The following FRMD4A variants were observed in gnomAD, a reference collection of about 807,000 sequenced individuals.
The protein encoded by FRMD4A is FERM domain-containing protein 4A.
A neutral mutation model predicts 129.1 loss-of-function variants in FRMD4A; 29 were observed. The observed-to-expected ratio is 0.22, with a 90% CI of 0.17 to 0.31. FRMD4A has a LOEUF of 0.31. FRMD4A is among the 10% of genes least tolerant of loss of function. The probability of loss-of-function intolerance (pLI) is 1.00; values close to 1 mark genes in which losing one functional copy is unlikely to be tolerated. For missense variants in FRMD4A, 1,272 were observed against 1,375.8 expected (o/e 0.92, Z 1.19); for synonymous variants, 634 against 571.6 (o/e 1.11, Z -1.56).
chr10:14,155,674 C>T (rs1840560860), intron 2 of FRMD4A, among the ~76,000 whole-genome samples: 2 of 152,012 alleles, frequency 1.3e-5, no homozygotes, highest in Admixed American at 1.3e-4. Flanking sequence ...GGAGAGGGCT[C>T]TGAGATATTG....
Position 13,660,490 on chromosome 10 carries a change from C to T in FRMD4A, c.1724G>A (p.Arg575Gln), listed in dbSNP as rs1307114187. The T allele has an allele frequency of 7.4e-6, 12 of 1,613,864 alleles. No individual in the cohort carries two copies. The highest frequency in any genetic ancestry group is 1.7e-5 in the Admixed American group (1 of 59,994). The change falls in exon 20 of 25, where the codon CGG becomes CAG. Residue 575 changes from arginine to glutamine, a missense_variant. Coordinates refer to ENST00000357447, the MANE Select transcript of FRMD4A (RefSeq NM_018027.5). ...AGGAGGCCTGTTGTGCGACGGTGGC[C>T]GAGGAGGGAGTCCCTTGTGAGGAGA... ...LHSPHKGLPP[R>Q]PPSHNRPPPP...
chr10:14,002,886 A>C (rs1054650909), intron 2 of FRMD4A, among the ~76,000 whole-genome samples: 4 of 152,198 alleles, frequency 2.6e-5, no homozygotes, highest in African/African-American at 4.8e-5. Flanking sequence ...TTCCTGGGGC[A>C]AGAGCAAGCT....
chr10:13,680,939 G>A (rs2084522969), intron 15 of FRMD4A, among the ~76,000 whole-genome samples: 1 of 152,044 alleles, frequency 6.6e-6, no homozygotes, highest in South Asian at 2.1e-4. Context: ...TGACTGGAGG[G>A]AAAGACACTG....
intron 6 of FRMD4A, among the ~76,000 whole-genome samples, chr10:13,763,163 C>T (rs2092145353): frequency 6.6e-6 from 1 of 152,202 alleles, no homozygotes; most frequent in Admixed American, 6.5e-5. Flanking sequence ...ACCCGACTAT[C>T]TCAAGGGCCT....
At chr10:13,743,612 C>A (rs141363139) in intron 9 of FRMD4A, among the ~76,000 whole-genome samples, 149 of 152,268 alleles carry the variant, frequency 9.8e-4, no homozygotes, top group Middle Eastern at 3.4e-3. Flanking sequence ...CACGACATGT[C>A]CTGACCACAG....
intron 2 of FRMD4A, among the ~76,000 whole-genome samples, chr10:13,900,789 C>A (rs1344902497): frequency 6.6e-6 from 1 of 152,038 alleles, no homozygotes; most frequent in Non-Finnish European, 1.5e-5. Context: ...CCCAGCTACT[C>A]AGGAGGCTGA....
At chr10:13,803,410 C>T (rs764919130) in intron 4 of FRMD4A, among the ~76,000 whole-genome samples, 2 of 152,198 alleles carry the variant, frequency 1.3e-5, no homozygotes, top group Non-Finnish European at 2.9e-5. Flanking sequence ...TAGCTCGCTG[C>T]AGCCTTGAAC....
intron 12 of FRMD4A, among the ~76,000 whole-genome samples, chr10:13,728,575 T>G (rs1480232422): frequency 1.4e-5 from 1 of 69,616 alleles, no homozygotes; most frequent in Non-Finnish European, 2.9e-5. Context: ...TTACCATTCT[T>G]TTTTTTTTTT....
chr10:13,887,482 C>T, intron 2 of FRMD4A, among the ~76,000 whole-genome samples: 1 of 152,054 alleles, frequency 6.6e-6, no homozygotes, highest in African/African-American at 2.4e-5. Context: ...AGATCGAGAC[C>T]ATACTGGCCA....
At chr10:14,221,529 C>G (rs923100562) in intron 2 of FRMD4A, among the ~76,000 whole-genome samples, 4 of 152,108 alleles carry the variant, frequency 2.6e-5, no homozygotes, top group African/African-American at 9.7e-5. Flanking sequence ...TGCTTTAGCC[C>G]TAACATCATT....
At chr10:14,068,959 G>T (rs1198747133) in intron 2 of FRMD4A, among the ~76,000 whole-genome samples, 1 of 133,618 alleles carries the variant, frequency 7.5e-6, no homozygotes, top group East Asian at 2.5e-4. Context: ...CGAATGTTTT[G>T]TGGGTATATT....
At chr10:14,066,543 G>A (rs1835069263) in intron 2 of FRMD4A, among the ~76,000 whole-genome samples, 1 of 152,148 alleles carries the variant, frequency 6.6e-6, no homozygotes, top group Non-Finnish European at 1.5e-5. Flanking sequence ...CGCTGGAAGT[G>A]GGATGAGAAC....
chr10:14,045,053 C>A (rs141902009), intron 2 of FRMD4A, among the ~76,000 whole-genome samples: 126 of 152,244 alleles, frequency 8.3e-4, no homozygotes, highest in Non-Finnish European at 1.7e-3. Context: ...CAGGCACCCA[C>A]CACCGTGCCC....
intron 3 of FRMD4A, among the ~76,000 whole-genome samples, chr10:13,851,366 T>C (rs939563623): frequency 6.6e-6 from 1 of 152,234 alleles, no homozygotes; most frequent in African/African-American, 2.4e-5. Context: ...CTATCTTCTA[T>C]AGCAGGAATC....
intron 3 of FRMD4A, among the ~76,000 whole-genome samples, chr10:13,814,913 G>A (rs971848906): frequency 6.6e-6 from 1 of 152,066 alleles, no homozygotes; most frequent in African/African-American, 2.4e-5. Flanking sequence ...GGAAGCAAAC[G>A]TGATCTTAGC....
rs376696301 is a variant in FRMD4A, at chr10:13,660,491, G to A, written c.1723C>T (p.Arg575Trp). 1.6e-4 allele frequency: 254 copies of A among 1,613,950 alleles called. No individual in the cohort carries two copies. The highest frequency in any genetic ancestry group is 2.0e-4 in the Non-Finnish European group (236 of 1,179,942). ...LHSPHKGLPP[R>W]PPSHNRPPPP... Reference sequence around the variant, plus strand: ...GGAGGCCTGTTGTGCGACGGTGGCCGAGGAGGGAGTCCCTTGTGAGGAGAA... The same window carrying A: ...GGAGGCCTGTTGTGCGACGGTGGCCAAGGAGGGAGTCCCTTGTGAGGAGAA... The change falls in exon 20 of 25, where the codon CGG (arginine) becomes TGG (tryptophan). Residue 575 changes from arginine to tryptophan, a missense_variant. Arg to Trp is a moderately radical substitution (Grantham distance 101, BLOSUM62 -3). Around this residue, in one of 2 missense-constraint regions of FRMD4A, gnomAD observed 972 missense variants for 892.3 expected, o/e 1.09. Coordinates refer to ENST00000357447, the MANE Select transcript of FRMD4A (RefSeq NM_018027.5).
chr10:14,142,644 T>A lies in FRMD4A; in HGVS notation c.45+187414A>T, dbSNP rs191559170. On this transcript the variant is annotated intron_variant, in intron 2 of 24. Coordinates refer to ENST00000357447, the MANE Select transcript of FRMD4A (RefSeq NM_018027.5). ...GACCTTGAAAAATTATATAATCCAA[T>A]GCAGTCATTTATAGATGAGGGAAAC... is the stretch of plus-strand genomic sequence containing the variant. 5.5e-3 allele frequency among the ~76,000 whole-genome samples: 834 copies of A among 152,302 alleles called. 29 individuals are homozygous for A. Among genetic ancestry groups the A allele is most frequent in the Admixed American group, 0.052 (795 of 15,288 alleles).
chr10:14,037,933 G>A (rs1056378599), intron 2 of FRMD4A, among the ~76,000 whole-genome samples: 26 of 152,226 alleles, frequency 1.7e-4, no homozygotes, highest in African/African-American at 5.8e-4. Context: ...GATCCAAATG[G>A]ATCCAGTTTT....
At chr10:13,780,693 TG>T (rs751918653) in intron 6 of FRMD4A, among the ~76,000 whole-genome samples, 6 of 152,078 alleles carry the variant, frequency 3.9e-5, no homozygotes, top group Non-Finnish European at 8.8e-5. Context: ...TAACAAATGT[TG>T]GAGAGGATGT....
Sources: gnomAD v4.1 joint callset for allele counts (sites outside exome capture counted in the v4.1 genomes callset) on GRCh38, gnomAD v4.1.1 for gene constraint, gnomAD v4.1.1 regional missense constraint, MANE v1.5 for transcripts, NCBI Gene and HGNC (gene_info 2026-07-23, HGNC 2026-07-21) for gene names.